DOCK3: variants seen among roughly 807,000 people sequenced by gnomAD.
DOCK3 encodes dedicator of cytokinesis protein 3.
Under a neutral mutation model 265.6 loss-of-function variants are expected in DOCK3, and 60 were observed. That is an observed-to-expected ratio of 0.23 (90% CI 0.18 to 0.28). The LOEUF (loss-of-function observed/expected upper bound fraction) is 0.28. DOCK3 is among the 10% of genes least tolerant of loss of function. DOCK3 has a pLI of 1.00. For synonymous variants in DOCK3, 881 were observed against 938.0 expected, an observed-to-expected ratio of 0.94 and a Z score of 1.11; for missense variants, 1,981 against 2,594.3, an observed-to-expected ratio of 0.76 and a Z score of 5.14.
intron 49 of DOCK3, among the ~76,000 whole-genome samples, chr3:51,372,624 G>A (rs1256950413): frequency 2.0e-5 from 3 of 152,236 alleles, no homozygotes; most frequent in Admixed American, 1.3e-4. Context: ...ACCTGAGCAA[G>A]ACAGTATACC....
chr3:50,917,029 A>C (rs2050167795), intron 4 of DOCK3, among the ~76,000 whole-genome samples: 1 of 152,018 alleles, frequency 6.6e-6, no homozygotes, highest in South Asian at 2.1e-4. Flanking sequence ...AAAGACACGG[A>C]TGTTCCAATT....
intron 32 of DOCK3, among the ~76,000 whole-genome samples, chr3:51,321,898 A>G (rs1037323533): frequency 1.3e-5 from 2 of 152,214 alleles, no homozygotes; most frequent in African/African-American, 2.4e-5. Context: ...AAGTTGGAAA[A>G]CACTCTTCAG....
At chr3:51,138,317 A>G (rs941668936) in intron 9 of DOCK3, among the ~76,000 whole-genome samples, 1 of 152,252 alleles carries the variant, frequency 6.6e-6, no homozygotes, top group Non-Finnish European at 1.5e-5. Flanking sequence ...AGCTAGCAAA[A>G]TATATAAATA....
intron 12 of DOCK3, among the ~76,000 whole-genome samples, chr3:51,188,765 A>G (rs1190590872): frequency 6.6e-6 from 1 of 151,988 alleles, no homozygotes; most frequent in Non-Finnish European, 1.5e-5. Flanking sequence ...ATTCTTTTCA[A>G]TGGCTGAATA....
chr3:51,069,301 A>T, intron 6 of DOCK3, among the ~76,000 whole-genome samples: 1 of 152,116 alleles, frequency 6.6e-6, no homozygotes, highest in East Asian at 1.9e-4. Flanking sequence ...TCTACTCCAA[A>T]TTTTAAAATA....
intron 1 of DOCK3, among the ~76,000 whole-genome samples, chr3:50,706,289 C>A (rs1291163401): frequency 6.6e-6 from 1 of 152,104 alleles, no homozygotes; most frequent in East Asian, 1.9e-4. Flanking sequence ...CCAGTATAGT[C>A]GTTAATGAAT....
At chr3:51,104,331 T>G (rs930977550) in intron 9 of DOCK3, among the ~76,000 whole-genome samples, 4 of 152,016 alleles carry the variant, frequency 2.6e-5, no homozygotes, top group Admixed American at 6.6e-5. Context: ...TAGAGAACTG[T>G]GGGGTTTTGA....
intron 51 of DOCK3, among the ~76,000 whole-genome samples, chr3:51,378,631 CTTTTTGCTGGTA>C (rs1447541344): frequency 6.6e-6 from 1 of 152,208 alleles, no homozygotes; most frequent in Admixed American, 6.5e-5. Context: ...GGACATATTT[CTTTTTGCTGGTA>C]TTTGTTCTCT....
chr3:50,886,882 G>A (rs2048368916), intron 3 of DOCK3, among the ~76,000 whole-genome samples: 1 of 151,948 alleles, frequency 6.6e-6, no homozygotes, highest in Non-Finnish European at 1.5e-5. Flanking sequence ...TGGGAAATTT[G>A]TGCACTAAAT....
intron 5 of DOCK3, among the ~76,000 whole-genome samples, chr3:50,958,788 A>G (rs1006334583): frequency 6.6e-5 from 10 of 152,348 alleles, no homozygotes; most frequent in African/African-American, 2.2e-4. Context: ...AAACAAATAC[A>G]AGAAATATAT....
intron 2 of DOCK3, among the ~76,000 whole-genome samples, chr3:50,837,309 T>A (rs1559704883): frequency 6.6e-6 from 1 of 152,208 alleles, no homozygotes; most frequent in Non-Finnish European, 1.5e-5. Context: ...TACCCAAGAC[T>A]GGGTAATTTA....
chr3:51,025,229 C>T (rs1156548746), intron 5 of DOCK3, among the ~76,000 whole-genome samples: 3 of 152,154 alleles, frequency 2.0e-5, no homozygotes, highest in Admixed American at 6.5e-5. Context: ...TCTGATTCTC[C>T]TTGTGCAGGG....
chr3:51,278,629 T>G, intron 26 of DOCK3: 1 of 815,446 alleles, frequency 1.2e-6, no homozygotes, highest in Non-Finnish European at 1.5e-6. Context: ...TATATATATA[T>G]ATATGTACCC....
At chr3:51,106,318 G>A (rs1413610980) in intron 9 of DOCK3, among the ~76,000 whole-genome samples, 1 of 152,200 alleles carries the variant, frequency 6.6e-6, no homozygotes, top group African/African-American at 2.4e-5. Context: ...GCACTGGCAG[G>A]CCACGCTTGG....
intron 5 of DOCK3, among the ~76,000 whole-genome samples, chr3:51,028,431 G>C (rs967383401): frequency 1.3e-5 from 2 of 151,890 alleles, no homozygotes; most frequent in African/African-American, 4.8e-5. Context: ...TATCTTGCAG[G>C]TGTTCTCTTA....
intron 2 of DOCK3, among the ~76,000 whole-genome samples, chr3:50,831,779 G>C (rs2045192388): frequency 6.6e-6 from 1 of 152,096 alleles, no homozygotes; most frequent in South Asian, 2.1e-4. Flanking sequence ...GGTATTTCCG[G>C]TTCTAGATCT....
rs928118814 is a variant in DOCK3 at position 50,760,953 on chromosome 3, T to A, written c.38-17722T>A. Reference sequence around the variant, plus strand: ...CCTGCCACCACGCCTGGCTAATTTTTTGTATTTTTAGTAGAAACGGGGTTT... The same window carrying A: ...CCTGCCACCACGCCTGGCTAATTTTATGTATTTTTAGTAGAAACGGGGTTT... On this transcript the variant is annotated intron_variant, in intron 1 of 52. Coordinates refer to ENST00000266037, the MANE Select transcript of DOCK3 (RefSeq NM_004947.5). 2.6e-5 allele frequency among the ~76,000 whole-genome samples: 4 copies of A among 152,070 alleles called. No individual in the cohort carries two copies. In the South Asian group the frequency reaches 6.2e-4, roughly 24 times the overall value.
intron 12 of DOCK3, among the ~76,000 whole-genome samples, chr3:51,193,144 C>A: frequency 6.6e-6 from 1 of 152,078 alleles, no homozygotes; most frequent in South Asian, 2.1e-4. Context: ...TGAATTTTAT[C>A]AAATTTTCTT....
At chr3:50,902,753 A>C (rs1245477312) in intron 4 of DOCK3, among the ~76,000 whole-genome samples, 3 of 152,214 alleles carry the variant, frequency 2.0e-5, no homozygotes, top group Non-Finnish European at 4.4e-5. Flanking sequence ...CTGAATCTAT[A>C]AATTACTTTG....
Sources: gnomAD v4.1 joint callset for allele counts (sites outside exome capture counted in the v4.1 genomes callset) on GRCh38, gnomAD v4.1.1 for gene constraint, MANE v1.5 for transcripts, NCBI Gene and HGNC (gene_info 2026-07-23, HGNC 2026-07-21) for gene names.